The following CD96 variants were observed in gnomAD, a reference collection of about 807,000 sequenced individuals.
CD96 encodes the protein CD96 molecule.
CD96 carries 70 observed loss-of-function variants against 71.3 expected under a neutral mutation model. The ratio of observed to expected loss-of-function variants is 0.98; its 90% CI spans 0.81 to 1.20. The LOEUF is 1.20. Among genes scored for constraint, CD96 ranks in the 50% most tolerant of loss-of-function variants. The probability of loss-of-function intolerance (pLI) is 0.00; values close to 1 mark genes in which losing one functional copy is unlikely to be tolerated. For synonymous variants in CD96, 248 were observed against 233.0 expected, an observed-to-expected ratio of 1.06 and a Z score of -0.59; for missense variants, 742 against 677.5, an observed-to-expected ratio of 1.10 and a Z score of -1.06.
rs536337304 is a variant in CD96 at position 111,572,953 on chromosome 3, G to A, written c.543+5306G>A. ...GGACTGGGAATACACTGAGGTAGAC[G>A]GGCATCAGGTGCAAATGGACAGTGT... On this transcript the variant is annotated intron_variant, in intron 3 of 13. Transcript: ENST00000352690. Among the ~76,000 whole-genome samples, 163 of 152,192 alleles carry A rather than the reference G, an allele frequency of 1.1e-3. 1 individual carries two copies. Among genetic ancestry groups the A allele is most frequent in the African/African-American group, 3.5e-3 (147 of 41,498 alleles).
downstream of CD96, among the ~76,000 whole-genome samples, chr3:111,657,005 A>C (rs554609737): frequency 6.6e-6 from 1 of 151,984 alleles, no homozygotes; most frequent in Non-Finnish European, 1.5e-5. Context: ...AAAATTAAAT[A>C]AATAAGAACA....
chr3:111,614,721 C>T (rs1449439260), intron 8 of CD96, among the ~76,000 whole-genome samples: 1 of 152,194 alleles, frequency 6.6e-6, no homozygotes, highest in Non-Finnish European at 1.5e-5. Context: ...TGTCTCTCTT[C>T]TCCATGCCCA....
At chr3:111,601,193 ATTAG>A (rs1370520705) in intron 7 of CD96, among the ~76,000 whole-genome samples, 3 of 152,186 alleles carry the variant, frequency 2.0e-5, no homozygotes, top group Admixed American at 6.6e-5. Flanking sequence ...ATAACTCTTA[ATTAG>A]TTAGCATTTT....
chr3:111,626,119 G>A (rs963830058), intron 10 of CD96, among the ~76,000 whole-genome samples: 1 of 151,948 alleles, frequency 6.6e-6, no homozygotes, highest in African/African-American at 2.4e-5. Context: ...CTGGCTAACA[G>A]TGAAGCCCCA....
rs149627686 is a variant in CD96 at position 111,625,298 on chromosome 3, C to T, written c.1321+894C>T. ...CTCAGGCTCACAGATTTGAATTAAT[C>T]ATAATATTTAATTCATGAGACACTT... is the stretch of plus-strand genomic sequence containing the variant. On this transcript the variant is annotated intron_variant, in intron 10 of 13. Coordinates refer to ENST00000352690, the MANE Select transcript of CD96 (RefSeq NM_005816.5). Among the ~76,000 whole-genome samples, 42 of 152,132 alleles carry T rather than the reference C, an allele frequency of 2.8e-4. No individual in the cohort carries two copies. In the Middle Eastern group the frequency reaches 0.017, roughly 62 times the overall value.
chr3:111,628,287 C>T (rs1938878975), intron 10 of CD96, among the ~76,000 whole-genome samples: 2 of 152,132 alleles, frequency 1.3e-5, no homozygotes, highest in Non-Finnish European at 2.9e-5. Context: ...CATGATAAAA[C>T]AATGCAGGAG....
At chr3:111,576,517 T>C (rs1936228682) in intron 3 of CD96, among the ~76,000 whole-genome samples, 1 of 152,202 alleles carries the variant, frequency 6.6e-6, no homozygotes, top group Non-Finnish European at 1.5e-5. Flanking sequence ...TTTTTATTTA[T>C]TATTATTTTA....
intron 12 of CD96, among the ~76,000 whole-genome samples, chr3:111,642,052 G>T (rs995508220): frequency 1.3e-5 from 2 of 152,168 alleles, no homozygotes; most frequent in African/African-American, 2.4e-5. Flanking sequence ...ATCTGAAAGA[G>T]TGCAAACAGA....
At chr3:111,630,289 A>G (rs896638417) in intron 10 of CD96, among the ~76,000 whole-genome samples, 1 of 152,196 alleles carries the variant, frequency 6.6e-6, no homozygotes, top group African/African-American at 2.4e-5. Flanking sequence ...AAGAAAAGCG[A>G]GAAGAATCAA....
chr3:111,600,811 A>G lies in CD96; in HGVS notation c.984A>G (p.Lys328=), dbSNP rs1365125894. ...KSVLTRVHSN[K]PAQSDNLTIW... ...TTTTAACAAGGGTACATAGTAATAA[A>G]CCAGCCCAATCAGACAACTTGACCA... is the stretch of plus-strand genomic sequence containing the variant. Residue 328 remains lysine (K), a synonymous_variant, in exon 7 of 14, where the codon AAA becomes AAG. Coordinates refer to ENST00000352690, the MANE Select transcript of CD96 (RefSeq NM_005816.5). 2 of 1,613,258 alleles carry G rather than the reference A, an allele frequency of 1.2e-6. No homozygotes were observed. Among genetic ancestry groups the G allele is most frequent in the Non-Finnish European group, 1.7e-6 (2 of 1,179,328 alleles).
rs1576395577 is a variant in CD96, at chr3:111,617,001, T to C, written c.1181-6753T>C. ...ACCTGCTCCAATTTCAGAGCAAAGA[T>C]GAGGCTCAGCCCAGGCACTGTCACA... On this transcript the variant is annotated intron_variant, in intron 8 of 13. Coordinates refer to ENST00000352690, the MANE Select transcript of CD96 (RefSeq NM_005816.5). 2.0e-5 allele frequency among the ~76,000 whole-genome samples: 3 copies of C among 152,136 alleles called. No homozygotes were observed. The South Asian group carries it at 6.2e-4, about 32-fold the overall frequency.
At chr3:111,567,454 T>C in intron 2 of CD96, 69 bp from the exon 3 acceptor site, 1 of 1,348,664 alleles carries the variant, frequency 7.4e-7, no homozygotes, top group South Asian at 1.2e-5. Context: ...TGTTTTTGTC[T>C]CTTTGATAAA....
intron 10 of CD96, among the ~76,000 whole-genome samples, chr3:111,628,602 C>A (rs1191568297): frequency 6.6e-6 from 1 of 152,122 alleles, no homozygotes; most frequent in Non-Finnish European, 1.5e-5. Flanking sequence ...AACATACCAT[C>A]CAGGAGAACT....
In CD96 at chr3:111,610,801, C is replaced by T. The variant is rs1035513359; in HGVS notation, c.1180+4009C>T. The stretch of plus-strand genomic sequence containing the variant: ...ACAGACACAATTCAGGAGTTTCCGT[C>T]GCCTTGAGGAGAGAGCCCTGTGCCT... On this transcript the variant is annotated intron_variant, in intron 8 of 13. Coordinates refer to ENST00000352690, the MANE Select transcript of CD96 (RefSeq NM_005816.5). 4.6e-5 allele frequency among the ~76,000 whole-genome samples: 7 copies of T among 152,146 alleles called. 1 individual carries two copies. In the East Asian group the frequency reaches 1.4e-3, roughly 29 times the overall value.
chr3:111,587,993 C>A lies in CD96; in HGVS notation c.807+2615C>A, dbSNP rs115069550. The stretch of plus-strand genomic sequence containing the variant: ...GGCTGCTGCAAAAGTCTCCAACATG[C>A]CCTGGAAACATTTTCCCCATTGCCT... On this transcript the variant is annotated intron_variant, in intron 5 of 13. Transcript: ENST00000352690. Among the ~76,000 whole-genome samples the A allele has an allele frequency of 8.0e-3, 1,212 of 152,282 alleles. 18 individuals are homozygous for A. Among genetic ancestry groups the A allele is most frequent in the African/African-American group, 0.027 (1,127 of 41,544 alleles).
At chr3:111,620,497 A>G (rs1371885823) in intron 8 of CD96, among the ~76,000 whole-genome samples, 1 of 152,224 alleles carries the variant, frequency 6.6e-6, no homozygotes, top group African/African-American at 2.4e-5. Flanking sequence ...ATAGTTCTCT[A>G]AAAGACTTTA....
intron 5 of CD96, among the ~76,000 whole-genome samples, chr3:111,590,837 A>C (rs1936942913): frequency 6.6e-6 from 1 of 152,188 alleles, no homozygotes; most frequent in African/African-American, 2.4e-5. Context: ...TCCAGAGTGT[A>C]CTCAGCAGTT....
At chr3:111,585,166 C>T (rs1007234979) in intron 4 of CD96, among the ~76,000 whole-genome samples, 157 bp from the exon 5 acceptor site, 2 of 151,966 alleles carry the variant, frequency 1.3e-5, no homozygotes, top group Non-Finnish European at 2.9e-5. Context: ...CTGCCAGGTA[C>T]ACAGTGGGCC....
intron 5 of CD96, among the ~76,000 whole-genome samples, chr3:111,591,181 T>C (rs1162269808): frequency 6.6e-6 from 1 of 152,116 alleles, no homozygotes; most frequent in African/African-American, 2.4e-5. Context: ...CAGACCATCC[T>C]GGCCAACGTG....
Sources: allele counts gnomAD v4.1 joint callset (sites outside exome capture counted in the v4.1 genomes callset), GRCh38; gene constraint gnomAD v4.1.1; transcripts MANE v1.5; gene names NCBI Gene and HGNC (gene_info 2026-07-23, HGNC 2026-07-21).